Variants in LSAMP observed in about 807,000 individuals in gnomAD.
The protein encoded by LSAMP is limbic system associated membrane protein, also known as limbic system-associated membrane protein.
In LSAMP, 7 loss-of-function variants were observed where a neutral mutation model predicts 38.6. The observed-to-expected ratio is 0.18, with a 90% CI of 0.10 to 0.34. LSAMP has a LOEUF of 0.34. LSAMP is among the 10% of genes least tolerant of loss of function. LSAMP has a pLI of 1.00. For synonymous variants in LSAMP, 154 were observed against 166.8 expected, an observed-to-expected ratio of 0.92 and a Z score of 0.59; for missense variants, 313 against 420.0, an observed-to-expected ratio of 0.75 and a Z score of 2.23.
chr3:116,387,021 G>T (rs1352051654), intron 1 of LSAMP, among the ~76,000 whole-genome samples: 1 of 152,112 alleles, frequency 6.6e-6, no homozygotes, highest in Non-Finnish European at 1.5e-5. Context: ...AGAGAGTCAA[G>T]GACAACAGTG....
At chr3:116,279,433 C>T (rs1305927291) in intron 1 of LSAMP, among the ~76,000 whole-genome samples, 1 of 152,192 alleles carries the variant, frequency 6.6e-6, no homozygotes, top group African/African-American at 2.4e-5. Flanking sequence ...GTATAAACAT[C>T]ACATCTTCAA....
chr3:115,941,702 A>G (rs1937926615), intron 3 of LSAMP, among the ~76,000 whole-genome samples: 1 of 152,174 alleles, frequency 6.6e-6, no homozygotes, highest in African/African-American at 2.4e-5. Flanking sequence ...CAGGCACAGA[A>G]AGACAAATAC....
chr3:116,331,304 T>C (rs1647980017), intron 1 of LSAMP, among the ~76,000 whole-genome samples: 1 of 151,992 alleles, frequency 6.6e-6, no homozygotes, highest in Non-Finnish European at 1.5e-5. Flanking sequence ...AAGTTCCAGA[T>C]AGGGAAGAGA....
chr3:115,953,529 T>A (rs1410951579), intron 3 of LSAMP, among the ~76,000 whole-genome samples: 1 of 151,952 alleles, frequency 6.6e-6, no homozygotes, highest in Admixed American at 6.6e-5. Context: ...TGCTTTCCCT[T>A]CCCCAAACTT....
chr3:115,811,024 A>G (rs1356444308), intron 6 of LSAMP, among the ~76,000 whole-genome samples: 4 of 152,228 alleles, frequency 2.6e-5, no homozygotes, highest in African/African-American at 9.6e-5. Flanking sequence ...GCAAAGGATC[A>G]ACTCCTCCAA....
chr3:115,906,282 G>A (rs919680476), intron 3 of LSAMP, among the ~76,000 whole-genome samples: 13 of 152,092 alleles, frequency 8.5e-5, no homozygotes, highest in Non-Finnish European at 1.5e-4. Flanking sequence ...ATCTATCTGA[G>A]ACCAGCATTT....
intron 6 of LSAMP, among the ~76,000 whole-genome samples, chr3:115,839,319 T>TTCCTTCCTTCCTTCCC (rs1934920703): frequency 2.1e-5 from 3 of 140,542 alleles, no homozygotes; most frequent in Non-Finnish European, 4.8e-5. Flanking sequence ...CCTTCCTTCC[T>TTCCTTCCTTCCTTCCC]TTTTTCCTTG....
At chr3:116,395,163 A>G (rs911730131) in intron 1 of LSAMP, among the ~76,000 whole-genome samples, 2 of 152,194 alleles carry the variant, frequency 1.3e-5, no homozygotes, top group South Asian at 2.1e-4. Context: ...CTTTTACTGG[A>G]AATGAAATAA....
intron 3 of LSAMP, among the ~76,000 whole-genome samples, chr3:116,015,814 A>G (rs992471819): frequency 6.6e-6 from 1 of 152,150 alleles, no homozygotes; most frequent in Non-Finnish European, 1.5e-5. Context: ...CTAAAAATAT[A>G]CCATGCATAT....
chr3:115,848,417 C>A (rs550782267), intron 4 of LSAMP, among the ~76,000 whole-genome samples: 2 of 152,310 alleles, frequency 1.3e-5, no homozygotes, highest in African/African-American at 4.8e-5. Context: ...GGGTGAGACC[C>A]TGTCTCAAAA....
chr3:116,170,020 C>T (rs1453088569), intron 1 of LSAMP, among the ~76,000 whole-genome samples: 2 of 151,992 alleles, frequency 1.3e-5, no homozygotes, highest in Non-Finnish European at 2.9e-5. Context: ...AATCATACAC[C>T]CAGCTAGCTT....
intron 1 of LSAMP, among the ~76,000 whole-genome samples, chr3:116,394,302 G>T (rs1188462713): frequency 6.6e-6 from 1 of 152,080 alleles, no homozygotes; most frequent in Admixed American, 6.6e-5. Context: ...TAAATGAATG[G>T]TTTTTGATAT....
At chr3:115,991,346 G>T (rs1362553083) in intron 3 of LSAMP, among the ~76,000 whole-genome samples, 5 of 151,964 alleles carry the variant, frequency 3.3e-5, no homozygotes, top group Admixed American at 3.3e-4. Flanking sequence ...ATCCTCATCT[G>T]TAAAATAGGG....
chr3:116,097,053 G>T (rs796505266), intron 1 of LSAMP, among the ~76,000 whole-genome samples: 1 of 152,132 alleles, frequency 6.6e-6, no homozygotes, highest in Non-Finnish European at 1.5e-5. Context: ...AACTGCCTTT[G>T]GTTGTACCTT....
chr3:116,220,958 T>C (rs1301734640), intron 1 of LSAMP, among the ~76,000 whole-genome samples: 1 of 151,830 alleles, frequency 6.6e-6, no homozygotes, highest in African/African-American at 2.4e-5. Flanking sequence ...ATCGAGACCA[T>C]CCTGGCTAAC....
At chr3:116,185,960 G>A (rs1215016292) in intron 1 of LSAMP, among the ~76,000 whole-genome samples, 8 of 151,722 alleles carry the variant, frequency 5.3e-5, no homozygotes, top group African/African-American at 1.9e-4. Flanking sequence ...CTCCTGGAAG[G>A]AAATCAAAGG....
chr3:116,194,607 A>C (rs1710837812), intron 1 of LSAMP, among the ~76,000 whole-genome samples: 1 of 152,172 alleles, frequency 6.6e-6, no homozygotes, highest in Non-Finnish European at 1.5e-5. Context: ...CGTGTTAGCC[A>C]GGATGGTCTC....
intron 1 of LSAMP, among the ~76,000 whole-genome samples, chr3:116,393,530 G>C (rs1287741491): frequency 1.3e-5 from 2 of 152,162 alleles, no homozygotes; most frequent in Non-Finnish European, 2.9e-5. Context: ...GGAGGTGTGG[G>C]ACCCAGGCTG....
intron 3 of LSAMP, among the ~76,000 whole-genome samples, chr3:115,994,454 A>T (rs1308041445): frequency 6.6e-6 from 1 of 152,100 alleles, no homozygotes; most frequent in Non-Finnish European, 1.5e-5. Flanking sequence ...AAATTATTTA[A>T]TTATAAAAAG....
Sources: gnomAD v4.1 joint callset for allele counts (sites outside exome capture counted in the v4.1 genomes callset) on GRCh38, gnomAD v4.1.1 for gene constraint, MANE v1.5 for transcripts, NCBI Gene and HGNC (gene_info 2026-07-23, HGNC 2026-07-21) for gene names.